GPHN: variants seen among roughly 807,000 people sequenced by gnomAD.
The protein encoded by GPHN is gephyrin.
A neutral mutation model predicts 95.5 loss-of-function variants in GPHN; 17 were observed. The ratio of observed to expected loss-of-function variants is 0.18; its 90% CI spans 0.12 to 0.27. The LOEUF is 0.27. GPHN is among the 10% of genes least tolerant of loss of function. The pLI, the probability that GPHN is intolerant of heterozygous loss-of-function variation, is 1.00. For missense variants in GPHN, 660 were observed against 978.1 expected (o/e 0.67, Z 4.34); for synonymous variants, 320 against 322.5 (o/e 0.99, Z 0.08).
chr14:67,683,630 T>C, the GPHN span, among the ~76,000 whole-genome samples: 2 of 152,178 alleles, frequency 1.3e-5, no homozygotes, highest in East Asian at 3.8e-4. Flanking sequence ...AATGAAGGGA[T>C]AGGAGGAAGG....
rs530596894 is a variant in GPHN at position 66,815,033 on chromosome 14, C to G, written c.202-9441C>G. On this transcript the variant is annotated intron_variant, in intron 3 of 22. Transcript: ENST00000478722. ...ATAATGCAATCACAATTATTAATAG[C>G]AGAATAGAACAAGCTGAGGAAAGAA... Among the ~76,000 whole-genome samples, 4 of 152,076 alleles carry G rather than the reference C, an allele frequency of 2.6e-5. 1 individual carries two copies. The South Asian group carries it at 8.3e-4, about 32-fold the overall frequency.
chr14:66,627,403 G>A (rs957693105), intron 1 of GPHN, among the ~76,000 whole-genome samples: 2 of 151,470 alleles, frequency 1.3e-5, no homozygotes, highest in Admixed American at 6.6e-5. Context: ...AGATACATTC[G>A]TTGATGGATC....
intron 8 of GPHN, among the ~76,000 whole-genome samples, chr14:66,935,693 C>T (rs2067090490): frequency 6.6e-6 from 1 of 151,346 alleles, no homozygotes; most frequent in Non-Finnish European, 1.5e-5. Context: ...TATATGTATA[C>T]ATGTATACGT....
chr14:67,113,831 T>C (rs1401025958), intron 16 of GPHN, among the ~76,000 whole-genome samples: 2 of 152,200 alleles, frequency 1.3e-5, no homozygotes, highest in Non-Finnish European at 2.9e-5. Context: ...GTGCAAAACT[T>C]CAGTCAGAAG....
chr14:67,618,876 G>T, the GPHN span, among the ~76,000 whole-genome samples: 1 of 152,210 alleles, frequency 6.6e-6, no homozygotes, highest in Non-Finnish European at 1.5e-5. Flanking sequence ...TTGGAGTTAT[G>T]GTGTTGCCAT....
At chr14:67,310,755 G>A in the GPHN span, among the ~76,000 whole-genome samples, 6 of 152,240 alleles carry the variant, frequency 3.9e-5, no homozygotes, top group East Asian at 7.7e-4. Context: ...ATTTATAGAA[G>A]TTAATAAAAT....
chr14:67,568,994 G>A, the GPHN span: 1 of 595,624 alleles, frequency 1.7e-6, no homozygotes, highest in African/African-American at 1.9e-5. Context: ...CAGAAATGAA[G>A]TAACTTGCCC....
chr14:66,545,147 AG>A (rs1425759000), intron 1 of GPHN, among the ~76,000 whole-genome samples: 12 of 151,432 alleles, frequency 7.9e-5, no homozygotes, highest in African/African-American at 2.9e-4. Context: ...ACTTCCCAGT[AG>A]GGGCGGCCGG....
At chr14:67,578,429 C>T in the GPHN span, 1 of 903,312 alleles carries the variant, frequency 1.1e-6, no homozygotes, top group Non-Finnish European at 1.8e-6. The surrounding 1 kb of genome is among the most constrained non-coding windows in gnomAD (Gnocchi z 5.0). Context: ...AAGTTGGGGG[C>T]TCTGGTTTGG....
intron 9 of GPHN, among the ~76,000 whole-genome samples, chr14:67,001,662 A>T (rs953825962): frequency 1.3e-5 from 2 of 151,686 alleles, no homozygotes; most frequent in Non-Finnish European, 3.0e-5. Flanking sequence ...CTTACTTCGG[A>T]TACATAAATG....
chr14:66,803,759 T>C (rs1475933876), intron 3 of GPHN, among the ~76,000 whole-genome samples: 16 of 152,108 alleles, frequency 1.1e-4, no homozygotes, highest in Non-Finnish European at 2.4e-4. Flanking sequence ...GATCTGTCTT[T>C]GAGTTTAGTA....
intron 1 of GPHN, among the ~76,000 whole-genome samples, chr14:66,574,020 T>C (rs962088767): frequency 1.3e-5 from 2 of 152,218 alleles, no homozygotes. Context: ...TCAAGGTATG[T>C]ATTGATAGGT....
the GPHN span, among the ~76,000 whole-genome samples, chr14:67,607,715 A>G: frequency 0.21 from 31,326 of 152,090 alleles, 3,327 homozygotes; most frequent in Middle Eastern, 0.24. Context: ...GGGAGCTGCC[A>G]GAGTTGAGCA....
chr14:67,668,834 G>T, the GPHN span, among the ~76,000 whole-genome samples: 3 of 152,212 alleles, frequency 2.0e-5, no homozygotes, highest in Non-Finnish European at 2.9e-5. Flanking sequence ...AAATGATGCT[G>T]ATGCAGCTGG....
the GPHN span, among the ~76,000 whole-genome samples, chr14:67,212,604 TATATATATATGTA>T: frequency 6.9e-6 from 1 of 143,982 alleles, no homozygotes; most frequent in East Asian, 2.0e-4. Flanking sequence ...AAAAAATATA[TATATATATATGTA>T]ATATATATTA....
chr14:66,717,353 G>GT (rs893041942), intron 2 of GPHN, among the ~76,000 whole-genome samples: 3 of 151,786 alleles, frequency 2.0e-5, no homozygotes, highest in African/African-American at 4.8e-5. Context: ...AGTTTTGATT[G>GT]TTTTTTTATT....
chr14:66,702,247 G>A (rs539823568), intron 2 of GPHN, among the ~76,000 whole-genome samples: 2 of 152,330 alleles, frequency 1.3e-5, no homozygotes, highest in African/African-American at 2.4e-5. Flanking sequence ...CAGCCCAGAC[G>A]AGTGGGTTTT....
chr14:66,651,226 A>C (rs2153365469), intron 1 of GPHN, among the ~76,000 whole-genome samples: 1 of 152,290 alleles, frequency 6.6e-6, no homozygotes, highest in South Asian at 2.1e-4. Context: ...GGGTCCCAAA[A>C]CTTGCTTACT....
chr14:66,917,024 A>G (rs1056662267), intron 6 of GPHN, among the ~76,000 whole-genome samples: 3 of 152,310 alleles, frequency 2.0e-5, no homozygotes, highest in African/African-American at 7.2e-5. Context: ...AAGCCATTAC[A>G]TACATTTTCA....
Sources: allele counts gnomAD v4.1 joint callset (sites outside exome capture counted in the v4.1 genomes callset), GRCh38; gene constraint gnomAD v4.1.1; non-coding constraint Gnocchi (gnomAD v3.1); transcripts MANE v1.5; gene names NCBI Gene and HGNC (gene_info 2026-07-23, HGNC 2026-07-21).